TYRO3: variants seen among roughly 807,000 people sequenced by gnomAD.
TYRO3 encodes tyrosine-protein kinase receptor TYRO3.
In TYRO3, 38 loss-of-function variants were observed where a neutral mutation model predicts 95.2. The observed-to-expected ratio is 0.40, with a 90% CI of 0.31 to 0.52. The LOEUF (loss-of-function observed/expected upper bound fraction) is 0.52, where lower values mean the gene tolerates loss of function less well. Ranked by LOEUF, TYRO3 falls within the 20% of genes least tolerant of loss-of-function variation. The pLI is 0.56. For missense variants in TYRO3, 812 were observed against 1,116.4 expected, an observed-to-expected ratio of 0.73 and a Z score of 3.89; for synonymous variants, 367 against 432.9, an observed-to-expected ratio of 0.85 and a Z score of 1.89.
chr15:41,565,153 G>C lies in TYRO3; in HGVS notation c.783+12G>C. ...CCTGTACAGTTCAGGTAGGCTCTCC[G>C]GGCCGGGCCATGCTCGTTCTGGCTG... On this transcript the variant is annotated intron_variant, in intron 6 of 18. Coordinates refer to ENST00000263798, the MANE Select transcript of TYRO3 (RefSeq NM_006293.4). 2.1e-6 allele frequency: 3 copies of C among 1,435,246 alleles called. No homozygotes were observed. Among genetic ancestry groups the C allele is most frequent in the Non-Finnish European group, 2.0e-6 (2 of 1,021,896 alleles). The allele number at this position is 1,435,246 out of a possible 1,614,324, so 88.9% of individuals were successfully genotyped here. A position where few individuals can be genotyped will look rare whatever the true frequency, so the allele number is the denominator to read the frequency against.
Position 41,573,797 on chromosome 15 carries a change from C to T in TYRO3, c.2264C>T (p.Pro755Leu), listed in dbSNP as rs372061850. Residue 755 changes from proline (P) to leucine (L), a missense_variant, in exon 18 of 19, where the codon CCG becomes CTG. Pro to Leu is a moderately conservative substitution (Grantham distance 98, BLOSUM62 -3). Coordinates refer to ENST00000263798, the MANE Select transcript of TYRO3 (RefSeq NM_006293.4). ...LIGGNRLKQP[P>L]ECMEDVYDLM... ...GGCGGGAACCGCCTGAAACAGCCTC[C>T]GGAGTGTATGGAGGACGTGTGAGTA... is the stretch of plus-strand genomic sequence containing the variant. The T allele has an allele frequency of 9.7e-5, 157 of 1,614,106 alleles. No individual in the cohort carries two copies. Among genetic ancestry groups the T allele is most frequent in the Middle Eastern group, 1.6e-4 (1 of 6,084 alleles).
intron 5 of TYRO3, 107 bp downstream of exon 5, chr15:41,564,377 TG>T: frequency 4.3e-6 from 5 of 1,153,430 alleles, no homozygotes; most frequent in South Asian, 3.9e-5. Context: ...GTGGTCCTGC[TG>T]GGATCTAGGG....
In TYRO3 at chr15:41,569,311, A is replaced by C. The variant is rs912553258; in HGVS notation, c.1252+289A>C. ...TACAAAAAAATTAAAAAAAAAAAAA[A>C]AAAACAATTAGCCTGGTGTAGTGAC... On this transcript the variant is annotated intron_variant, in intron 9 of 18. Transcript: ENST00000263798. Among the ~76,000 whole-genome samples, 137 of 152,036 alleles carry C rather than the reference A, an allele frequency of 9.0e-4. 2 individuals are homozygous for C. The East Asian group carries it at 0.023, about 26-fold the overall frequency.
intron 18 of TYRO3, among the ~76,000 whole-genome samples, chr15:41,576,610 T>C (rs1003423738): frequency 4.7e-5 from 7 of 149,120 alleles, no homozygotes; most frequent in Non-Finnish European, 8.9e-5. Flanking sequence ...ATTACAGGCA[T>C]GAGCTACTGC....
At chr15:41,560,428 T>TGTGCGCGCGC (rs1408766845) in intron 1 of TYRO3, among the ~76,000 whole-genome samples, 9 of 135,252 alleles carry the variant, frequency 6.7e-5, no homozygotes, top group African/African-American at 1.2e-4. Context: ...TGTGTGTGTG[T>TGTGCGCGCGC]GCGCGCGCGC....
intron 5 of TYRO3, 157 bp from the exon 6 acceptor site, chr15:41,564,869 T>TTA: frequency 1.6e-6 from 1 of 619,044 alleles, no homozygotes; most frequent in Non-Finnish European, 3.0e-6. Context: ...TACTGGTTGC[T>TTA]TATTTGTGTA....
intron 18 of TYRO3, among the ~76,000 whole-genome samples, chr15:41,576,968 G>A (rs1040259552): frequency 2.6e-5 from 4 of 151,918 alleles, no homozygotes; most frequent in East Asian, 1.9e-4. Flanking sequence ...CCGGCTGCAC[G>A]GTGAGGAATT....
chr15:41,564,862 TG>T, intron 5 of TYRO3, 163 bp from the exon 6 acceptor site: 1 of 613,378 alleles, frequency 1.6e-6, no homozygotes, highest in Non-Finnish European at 3.0e-6. Context: ...TGTGCCCTAC[TG>T]GTTGCTTATT....
At chr15:41,565,909 G>A (rs892565939) in intron 6 of TYRO3, among the ~76,000 whole-genome samples, 1 of 152,150 alleles carries the variant, frequency 6.6e-6, no homozygotes, top group Non-Finnish European at 1.5e-5. Context: ...ATGCAGGCTT[G>A]CTCATTTTCA....
chr15:41,583,490 C>A lies in TYRO3; in HGVS notation c.*5214C>A, dbSNP rs1266572707. On this transcript the variant is annotated 3_prime_UTR_variant, in exon 19 of 19. Coordinates refer to ENST00000263798, the MANE Select transcript of TYRO3 (RefSeq NM_006293.4). ...TAGCCTCATTGATCTATCTAAACTCCCATATCTATTTTGGTTGCTAGACTG... is the reference window on the plus strand; with the variant it reads ...TAGCCTCATTGATCTATCTAAACTCACATATCTATTTTGGTTGCTAGACTG... The A allele has an allele frequency of 7.2e-5, 11 of 152,138 alleles. No individual in the cohort carries two copies. Among genetic ancestry groups the A allele is most frequent in the African/African-American group, 2.7e-4 (11 of 41,416 alleles). 9.4% of individuals were successfully genotyped at this position (152,138 alleles called of 1,614,324 possible).
intron 10 of TYRO3, 38 bp from the exon 11 acceptor site, chr15:41,570,202 A>G (rs774690445): frequency 3.0e-6 from 3 of 990,658 alleles, no homozygotes; most frequent in Non-Finnish European, 4.6e-6. Context: ...ATGATGAAAG[A>G]CCTTGGAGCT....
rs1023669355 is a variant in TYRO3, at chr15:41,583,395, C to G, written c.*5119C>G. The G allele has an allele frequency of 1.3e-5, 2 of 152,160 alleles. No homozygotes were observed. Among genetic ancestry groups the G allele is most frequent in the African/African-American group, 4.8e-5 (2 of 41,396 alleles). 9.4% of individuals were successfully genotyped at this position (152,160 alleles called of 1,614,324 possible). A position where few individuals can be genotyped will look rare whatever the true frequency, so the allele number is the denominator to read the frequency against. On this transcript the variant is annotated 3_prime_UTR_variant, in exon 19 of 19. Coordinates refer to ENST00000263798, the MANE Select transcript of TYRO3 (RefSeq NM_006293.4). ...CTGCCCACCTTGGCCTCTCAAAGTG[C>G]GGAGATTACAGGTGTGAGCCACCAC...
In TYRO3 at chr15:41,564,178, C is replaced by T. The variant is rs201165681; in HGVS notation, c.581-6C>T. ...TGGGGAGCTGACTGAGGTTTTCTGGCCCCAGGGGTGACCCAGAGCACCATG... is the reference window on the plus strand; with the variant it reads ...TGGGGAGCTGACTGAGGTTTTCTGGTCCCAGGGGTGACCCAGAGCACCATG... On this transcript the variant is annotated splice_region_variant and splice_polypyrimidine_tract_variant and intron_variant, in intron 4 of 18. Coordinates refer to ENST00000263798, the MANE Select transcript of TYRO3 (RefSeq NM_006293.4). 2.6e-5 allele frequency: 31 copies of T among 1,214,722 alleles called. No homozygotes were observed. The highest frequency in any genetic ancestry group is 3.5e-5 in the Non-Finnish European group (29 of 819,300). 75.2% of individuals were successfully genotyped at this position (1,214,722 alleles called of 1,614,324 possible). A position where few individuals can be genotyped will look rare whatever the true frequency, so the allele number is the denominator to read the frequency against.
At chr15:41,577,807 C>T in intron 18 of TYRO3, 79 bp from the exon 19 acceptor site, 1 of 1,477,990 alleles carries the variant, frequency 6.8e-7, no homozygotes, top group Non-Finnish European at 9.1e-7. Flanking sequence ...TTTTTTAAAA[C>T]CCTAGTGCCA....
chr15:41,560,382 G>C (rs1467961956), intron 1 of TYRO3, among the ~76,000 whole-genome samples: 1 of 125,356 alleles, frequency 8.0e-6, no homozygotes, highest in African/African-American at 3.0e-5. Context: ...GAGGCCAGGA[G>C]AGGTGCGTGT....
Position 41,562,693 on chromosome 15 carries a change from C to T in TYRO3, c.555C>T (p.Pro185=), listed in dbSNP as rs755701986. 2.5e-5 allele frequency: 40 copies of T among 1,613,570 alleles called. No homozygotes were observed. The highest frequency in any genetic ancestry group is 3.4e-5 in the Non-Finnish European group (40 of 1,179,838). The part of the protein sequence containing the change: ...RGTTKIGGPA[P]SPSVLNVTGV... ...CTACGAAGATCGGGGGACCCGCTCC[C>T]TCTCCATCTGTTTTAAATGTAACAG... Residue 185 remains proline, a synonymous_variant, in exon 4 of 19, where the codon CCC becomes CCT. Coordinates refer to ENST00000263798, the MANE Select transcript of TYRO3 (RefSeq NM_006293.4).
At chr15:41,563,735 G>A (rs573610577) in intron 4 of TYRO3, among the ~76,000 whole-genome samples, 30 of 152,290 alleles carry the variant, frequency 2.0e-4, no homozygotes, top group African/African-American at 6.7e-4. Context: ...GACAAGACAT[G>A]TGCATAAAGA....
chr15:41,561,984 A>G (rs1282965370), intron 3 of TYRO3: 1 of 244,164 alleles, frequency 4.1e-6, no homozygotes, highest in Non-Finnish European at 8.0e-6. Flanking sequence ...GCGGGAGCTC[A>G]GAGCTGTTCA....
At position 41,565,017 on chromosome 15, in the gene TYRO3, C is replaced by A; in HGVS notation, c.668-9C>A. The A allele has an allele frequency of 8.0e-7, 1 of 1,254,172 alleles. No homozygotes were observed. Among genetic ancestry groups the A allele is most frequent in the Non-Finnish European group, 1.2e-6 (1 of 864,672 alleles). The allele number at this position is 1,254,172 out of a possible 1,614,324, so 77.7% of individuals were successfully genotyped here. ...CTACTGGGCACTGATTCTGAGTCCC[C>A]GTCCACAGCACTGCCTGCAGCCCCC... On this transcript the variant is annotated splice_polypyrimidine_tract_variant and intron_variant, in intron 5 of 18. Transcript: ENST00000263798.
Sources: gnomAD v4.1 joint callset for allele counts (sites outside exome capture counted in the v4.1 genomes callset) on GRCh38, gnomAD v4.1.1 for gene constraint, MANE v1.5 for transcripts, NCBI Gene and HGNC (gene_info 2026-07-23, HGNC 2026-07-21) for gene names.